The following PGAP1 variants were observed in gnomAD, a reference collection of about 807,000 sequenced individuals.
The protein encoded by PGAP1 is GPI inositol-deacylase.
Under a neutral mutation model 127.0 loss-of-function variants are expected in PGAP1, and 76 were observed. The observed-to-expected ratio is 0.60, with a 90% CI of 0.50 to 0.72. The LOEUF (loss-of-function observed/expected upper bound fraction) is 0.72, where lower values mean the gene tolerates loss of function less well. Ranked by LOEUF, PGAP1 falls within the 30% of genes least tolerant of loss-of-function variation. PGAP1 has a pLI of 0.00. For missense variants in PGAP1, 982 were observed against 1,071.3 expected (o/e 0.92, Z 1.16); for synonymous variants, 362 against 366.5 (o/e 0.99, Z 0.14).
Position 196,920,003 on chromosome 2 carries a change from T to C in PGAP1, c.295A>G (p.Lys99Glu), listed in dbSNP as rs748362213. The stretch of plus-strand genomic sequence containing the variant: ...TACTTCCAGTAAGACTTACCTTGCT[T>C]ATAACTTCCAGCATTACCAGGAAGA... ...LFLPGNAGSY[K>E]QVRSIGSIAL... The change falls in exon 2 of 27, where the codon AAG (lysine) becomes GAG (glutamate). Residue 99 changes from lysine (K) to glutamate (E), a missense_variant. Transcript: ENST00000354764. The C allele has an allele frequency of 2.5e-6, 4 of 1,606,328 alleles. No individual in the cohort carries two copies. Among genetic ancestry groups the C allele is most frequent in the Admixed American group, 3.4e-5 (2 of 58,276 alleles).
chr2:196,924,094 G>C (rs944719807), intron 1 of PGAP1, among the ~76,000 whole-genome samples: 1 of 152,202 alleles, frequency 6.6e-6, no homozygotes, highest in Non-Finnish European at 1.5e-5. Context: ...GATGAATAGA[G>C]ATAATCAAAC....
intron 3 of PGAP1, among the ~76,000 whole-genome samples, chr2:196,914,341 C>A (rs1398644787): frequency 1.3e-5 from 2 of 152,160 alleles, no homozygotes; most frequent in Non-Finnish European, 2.9e-5. Context: ...AAGTTGCAGG[C>A]CAGGTCCGGT....
chr2:196,875,644 A>G, intron 14 of PGAP1, 102 bp downstream of exon 14: 1 of 678,622 alleles, frequency 1.5e-6, no homozygotes, highest in East Asian at 2.8e-5. Context: ...TCTAAGAACT[A>G]TACTTGAAAT....
rs1481569808 is a variant in PGAP1, at chr2:196,893,152, A to G, written c.1021T>C (p.Ser341Pro). ...TATTGTCACCAACCTGTTAAGTCAG[A>G]AATTATAGCTGGATTTTCCTCAAAA... ...KHFEENPAIISDLTGTSMWVL... is the reference protein window; with the variant it reads ...KHFEENPAIIPDLTGTSMWVL... Residue 341 changes from serine (S) to proline (P), a missense_variant, in exon 8 of 27, where the codon TCT (serine) becomes CCT (proline). Physicochemically the swap from Ser to Pro is moderately conservative, Grantham distance 74. Transcript: ENST00000354764. The G allele has an allele frequency of 6.3e-7, 1 of 1,581,686 alleles. No individual in the cohort carries two copies. Among genetic ancestry groups the G allele is most frequent in the Admixed American group, 1.7e-5 (1 of 59,388 alleles).
At chr2:196,902,483 T>C in intron 5 of PGAP1, 102 bp downstream of exon 5, 5 of 993,208 alleles carry the variant, frequency 5.0e-6, no homozygotes, top group African/African-American at 3.3e-5. Context: ...CCAACACCAC[T>C]AACTCAGCAG....
intron 10 of PGAP1, among the ~76,000 whole-genome samples, chr2:196,889,858 CAAAAAAA>C (rs979436427): frequency 6.8e-5 from 3 of 43,982 alleles, no homozygotes; most frequent in Admixed American, 2.3e-4. Context: ...GACTCCGTCT[CAAAAAAA>C]AAAAAAAAAA....
intron 14 of PGAP1, among the ~76,000 whole-genome samples, chr2:196,874,487 G>A (rs1701499087): frequency 6.6e-6 from 1 of 151,998 alleles, no homozygotes; most frequent in Non-Finnish European, 1.5e-5. Context: ...AGAAAAACAG[G>A]ACATTTATAT....
At chr2:196,856,629 C>T (rs1253020678) in intron 20 of PGAP1, among the ~76,000 whole-genome samples, 1 of 152,254 alleles carries the variant, frequency 6.6e-6, no homozygotes, top group African/African-American at 2.4e-5. Context: ...AAAAAGTTCA[C>T]CAAGGCACCT....
At chr2:196,885,505 A>T (rs760441212) in intron 11 of PGAP1, 30 bp from the exon 12 acceptor site, 2 of 1,458,750 alleles carry the variant, frequency 1.4e-6, no homozygotes, top group Admixed American at 3.7e-5. Context: ...ATATAATTAA[A>T]GGACAAATAT....
intron 7 of PGAP1, among the ~76,000 whole-genome samples, chr2:196,894,593 G>A (rs550478805): frequency 6.6e-6 from 1 of 152,278 alleles, no homozygotes; most frequent in South Asian, 2.1e-4. Flanking sequence ...ACAAGGTCAG[G>A]AGATCGAGAC....
intron 3 of PGAP1, among the ~76,000 whole-genome samples, chr2:196,914,813 CTTT>C (rs772109065): frequency 7.2e-6 from 1 of 138,156 alleles, no homozygotes; most frequent in African/African-American, 2.6e-5. Flanking sequence ...ATTCTTAATT[CTTT>C]TTTTTTTTTT....
At chr2:196,902,966 G>A (rs1215532223) in intron 4 of PGAP1, among the ~76,000 whole-genome samples, 1 of 151,836 alleles carries the variant, frequency 6.6e-6, no homozygotes, top group South Asian at 2.1e-4. Context: ...GTTACTAAAG[G>A]TATCAATTAA....
chr2:196,863,470 A>C (rs574720240), intron 20 of PGAP1, among the ~76,000 whole-genome samples: 1 of 152,358 alleles, frequency 6.6e-6, no homozygotes, highest in Admixed American at 6.5e-5. Context: ...AGTCAGGCAT[A>C]GAAAGACAAA....
chr2:196,916,447 A>G lies in PGAP1; in HGVS notation c.448T>C (p.Cys150Arg). The G allele has an allele frequency of 6.2e-7, 1 of 1,612,480 alleles. No homozygotes were observed. ...LQKQTKFVHE[C>R]IKTILKLYKG... is the part of the protein sequence containing the mutation. ...TAGAGTTTGAGAATTGTTTTAATAC[A>G]TTCATGTACAAACTTGGTCTGCTTC... The change falls in exon 3 of 27, where the codon TGT (cysteine) becomes CGT (arginine). Residue 150 changes from cysteine (C) to arginine (R), a missense_variant. Transcript: ENST00000354764.
intron 10 of PGAP1, among the ~76,000 whole-genome samples, chr2:196,888,911 GTAAA>G (rs1345551407): frequency 6.6e-6 from 1 of 152,126 alleles, no homozygotes; most frequent in African/African-American, 2.4e-5. Context: ...CAAAAAAAGT[GTAAA>G]TAAATAAATG....
chr2:196,906,950 G>A (rs557767866), intron 4 of PGAP1, among the ~76,000 whole-genome samples: 1 of 145,306 alleles, frequency 6.9e-6, no homozygotes, highest in South Asian at 2.3e-4. Flanking sequence ...ATGGGTCTAT[G>A]TGAAAAGACC....
At chr2:196,844,650 G>T in intron 23 of PGAP1, 76 bp from the exon 24 acceptor site, 2 of 951,034 alleles carry the variant, frequency 2.1e-6, no homozygotes, top group South Asian at 3.3e-5. Context: ...TATTAAAAAT[G>T]AGAAGCACTG....
intron 18 of PGAP1, among the ~76,000 whole-genome samples, chr2:196,871,661 T>C (rs1350314671): frequency 6.6e-6 from 1 of 152,134 alleles, no homozygotes; most frequent in Non-Finnish European, 1.5e-5. Flanking sequence ...CTAAATTAAT[T>C]CATAATATAA....
At chr2:196,925,018 G>T (rs779522013) in intron 1 of PGAP1, among the ~76,000 whole-genome samples, 1 of 152,040 alleles carries the variant, frequency 6.6e-6, no homozygotes, top group Non-Finnish European at 1.5e-5. Flanking sequence ...AAATAAGGAG[G>T]GAATTATAAT....
Sources: gnomAD v4.1 joint callset for allele counts (sites outside exome capture counted in the v4.1 genomes callset) on GRCh38, gnomAD v4.1.1 for gene constraint, MANE v1.5 for transcripts, NCBI Gene and HGNC (gene_info 2026-07-23, HGNC 2026-07-21) for gene names.